CLSPN: variants seen among roughly 807,000 people sequenced by gnomAD.
The protein encoded by CLSPN is claspin homolog.
In CLSPN, 85 loss-of-function variants were observed where a neutral mutation model predicts 156.3. The observed-to-expected ratio is 0.54, with a 90% CI of 0.46 to 0.65. The LOEUF (loss-of-function observed/expected upper bound fraction) is 0.65. Among genes scored for constraint, CLSPN ranks in the 30% least tolerant of loss-of-function variants. The probability of loss-of-function intolerance (pLI) is 0.00; values close to 1 mark genes in which losing one functional copy is unlikely to be tolerated. For missense variants in CLSPN, 1,407 were observed against 1,554.9 expected (o/e 0.90, Z 1.60); for synonymous variants, 534 against 542.4 (o/e 0.98, Z 0.22).
chr1:35,751,404 T>C lies in CLSPN; in HGVS notation c.1874A>G (p.Glu625Gly). 6.2e-7 allele frequency: 1 copy of C among 1,613,960 alleles called. No individual in the cohort carries two copies. Among genetic ancestry groups the C allele is most frequent in the Non-Finnish European group, 8.5e-7 (1 of 1,180,000 alleles). Residue 625 changes from glutamate to glycine, a missense_variant, in exon 10 of 25, where the codon GAA becomes GGA. Glu to Gly is a moderately conservative substitution (Grantham distance 98). Coordinates refer to ENST00000318121, the MANE Select transcript of CLSPN (RefSeq NM_022111.4). ...CTCCTCCTCTTCCTCAAACCCATCT[T>C]CATTATCTAATTTAAACAGTGCTTG... ...KRQALFKLDN[E>G]DGFEEEEEEE... is the part of the protein sequence containing the mutation.
At chr1:35,766,486 C>T (rs1642679965) in intron 1 of CLSPN, among the ~76,000 whole-genome samples, 1 of 151,846 alleles carries the variant, frequency 6.6e-6, no homozygotes, top group Non-Finnish European at 1.5e-5. Context: ...CCGTTGTCGC[C>T]CAGGATGGAG....
intron 1 of CLSPN, among the ~76,000 whole-genome samples, chr1:35,768,869 G>C (rs1386266481): frequency 2.0e-5 from 3 of 152,172 alleles, no homozygotes; most frequent in Admixed American, 2.0e-4. Context: ...GGCAGGGCCA[G>C]TAACAGGGTG....
chr1:35,733,754 G>A lies in CLSPN; in HGVS notation c.*2742C>T. The A allele has an allele frequency of 1.1e-6, 1 of 913,126 alleles. No individual in the cohort carries two copies. The highest frequency in any genetic ancestry group is 1.3e-6 in the Non-Finnish European group (1 of 764,624). 56.6% of individuals were successfully genotyped at this position (913,126 alleles called of 1,614,324 possible). A position where few individuals can be genotyped will look rare whatever the true frequency, so the allele number is the denominator to read the frequency against. ...GCATTTTGGGAGGCCAAGGTGGGAG[G>A]ATTACTTGAGGCCAGGAGTTCAAGA... On this transcript the variant is annotated 3_prime_UTR_variant, in exon 25 of 25. Coordinates refer to ENST00000318121, the MANE Select transcript of CLSPN (RefSeq NM_022111.4).
In CLSPN at chr1:35,735,743, G is replaced by C; in HGVS notation, c.*753C>G. On this transcript the variant is annotated 3_prime_UTR_variant, in exon 25 of 25. Transcript: ENST00000318121. Reference sequence around the variant, plus strand: ...AGAAATCTTTCTTTCACCGAGCCCTGGTCATCATGGTACGTATCTCATGGG... The same window carrying C: ...AGAAATCTTTCTTTCACCGAGCCCTCGTCATCATGGTACGTATCTCATGGG... 2.0e-6 allele frequency: 2 copies of C among 984,418 alleles called. No homozygotes were observed. Among genetic ancestry groups the C allele is most frequent in the Non-Finnish European group, 2.4e-6 (2 of 829,610 alleles). 61.0% of individuals were successfully genotyped at this position (984,418 alleles called of 1,614,324 possible). A position where few individuals can be genotyped will look rare whatever the true frequency, so the allele number is the denominator to read the frequency against.
downstream of CLSPN, among the ~76,000 whole-genome samples, chr1:35,728,345 G>C (rs1165195227): frequency 1.3e-5 from 2 of 152,058 alleles, no homozygotes; most frequent in East Asian, 3.8e-4. Flanking sequence ...ACCTCCCAAA[G>C]TGCTGGGATT....
chr1:35,734,315 T>A lies in CLSPN; in HGVS notation c.*2181A>T. 3.0e-6 allele frequency: 3 copies of A among 984,896 alleles called. No homozygotes were observed. The highest frequency in any genetic ancestry group is 3.6e-6 in the Non-Finnish European group (3 of 829,434). 61.0% of individuals were successfully genotyped at this position (984,896 alleles called of 1,614,324 possible). On this transcript the variant is annotated 3_prime_UTR_variant, in exon 25 of 25. Transcript: ENST00000318121. ...CATATTAAAACATCTTTATACACATTTTCCCCATTATAAGATTACAAGTAT... is the reference window on the plus strand; with the variant it reads ...CATATTAAAACATCTTTATACACATATTCCCCATTATAAGATTACAAGTAT...
intron 24 of CLSPN, among the ~76,000 whole-genome samples, chr1:35,724,682 T>A (rs1251709176): frequency 6.6e-6 from 1 of 152,164 alleles, no homozygotes; most frequent in African/African-American, 2.4e-5. Context: ...TAAAAATTGT[T>A]CAATAACATA....
intron 1 of CLSPN, 75 bp downstream of exon 1, chr1:35,769,772 G>C: frequency 7.0e-7 from 1 of 1,436,572 alleles, no homozygotes; most frequent in Non-Finnish European, 9.3e-7. Flanking sequence ...GGTCAGCGGG[G>C]TCTACCCCGG....
chr1:35,762,389 A>G lies in CLSPN; in HGVS notation c.822+15T>C. 2.5e-6 allele frequency: 4 copies of G among 1,600,766 alleles called. No individual in the cohort carries two copies. Among genetic ancestry groups the G allele is most frequent in the African/African-American group, 1.3e-5 (1 of 74,778 alleles). On this transcript the variant is annotated intron_variant, in intron 5 of 24. Transcript: ENST00000318121. ...AAAGAGATCAGTGTGACTAATATAC[A>G]GGGCTCTACCTCACCTTCCTCGTGG...
chr1:35,753,885 T>C lies in CLSPN; in HGVS notation c.1631A>G (p.Lys544Arg). Reference protein sequence around the residue: ...RFWKHANPAAKPRAGQTVNVN... With the variant: ...RFWKHANPAARPRAGQTVNVN... ...ATTCACTGTCTGACCAGCCCTGGGT[T>C]TGGCTGCTGGATTAGCATGCTTCCA... is the stretch of plus-strand genomic sequence containing the variant. The change falls in exon 9 of 25, where the codon AAA becomes AGA. Residue 544 changes from lysine to arginine, a missense_variant. Physicochemically the swap from Lys to Arg is conservative, Grantham distance 26. Around this residue, in one of 3 missense-constraint regions of CLSPN, gnomAD observed 1,096 missense variants for 1,193.0 expected, o/e 0.92. Transcript: ENST00000318121. 6.2e-7 allele frequency: 1 copy of C among 1,614,202 alleles called. No individual in the cohort carries two copies. Among genetic ancestry groups the C allele is most frequent in the South Asian group, 1.1e-5 (1 of 91,082 alleles).
Position 35,738,237 on chromosome 1 carries a change from G to A in CLSPN, c.3559-140C>T, listed in dbSNP as rs188732404. The A allele has an allele frequency of 4.0e-3, 2,523 of 637,600 alleles. 30 individuals carry two copies. Among genetic ancestry groups the A allele is most frequent in the African/African-American group, 0.032 (1,725 of 53,364 alleles). 39.5% of individuals were successfully genotyped at this position (637,600 alleles called of 1,614,324 possible). On this transcript the variant is annotated intron_variant, in intron 21 of 24. Coordinates refer to ENST00000318121, the MANE Select transcript of CLSPN (RefSeq NM_022111.4). ...ATTTGTTTTCCTTTTTGCAGCCTTT[G>A]CTGCTTTAGACAAAAAAAAATTAAT...
Position 35,762,379 on chromosome 1 carries a change from A to C in CLSPN, c.822+25T>G, listed in dbSNP as rs778620927. On this transcript the variant is annotated intron_variant, in intron 5 of 24. Coordinates refer to ENST00000318121, the MANE Select transcript of CLSPN (RefSeq NM_022111.4). The stretch of plus-strand genomic sequence containing the variant: ...TCTCCTGTGTAAAGAGATCAGTGTG[A>C]CTAATATACAGGGCTCTACCTCACC... 2.4e-5 allele frequency: 37 copies of C among 1,557,324 alleles called. No individual in the cohort carries two copies. The Admixed American group carries it at 5.7e-4, about 24-fold the overall frequency.
Position 35,736,996 on chromosome 1 carries a change from G to C in CLSPN, c.3827C>G (p.Ala1276Gly). 6.2e-7 allele frequency: 1 copy of C among 1,614,100 alleles called. No individual in the cohort carries two copies. The highest frequency in any genetic ancestry group is 8.5e-7 in the Non-Finnish European group (1 of 1,179,964). The part of the protein sequence containing the change: ...LAALSDHNPS[A>G]PRNSRNFVFH... ...GACAAAGTTTCTTGAATTTCGAGGA[G>C]CACTGGGGTTATGGTCAGAGAGAGC... Residue 1276 changes from alanine to glycine, a missense_variant, in exon 24 of 25, where the codon GCT becomes GGT. By Grantham distance (60) the Ala-to-Gly change is moderately conservative. This residue lies in a region of CLSPN where 241 missense variants were observed against 240.5 expected (regional missense o/e 1.00). Transcript: ENST00000318121.
At position 35,760,560 on chromosome 1, in the gene CLSPN, T is replaced by C. The variant is rs114786746; in HGVS notation, c.1361A>G (p.His454Arg). Residue 454 changes from histidine to arginine, a missense_variant, in exon 8 of 25, where the codon CAT becomes CGT. Around this residue, in one of 3 missense-constraint regions of CLSPN, gnomAD observed 1,096 missense variants for 1,193.0 expected, o/e 0.92. Coordinates refer to ENST00000318121, the MANE Select transcript of CLSPN (RefSeq NM_022111.4). ...QVGGLVAFEPHALEGEGPQNP... is the reference protein window; with the variant it reads ...QVGGLVAFEPRALEGEGPQNP... ...TTGGGGGCCTTCACCCTCCAGGGCA[T>C]GAGGTTCAAATGCTACAAGCCCTCC... 305 of 1,614,202 alleles carry C rather than the reference T, an allele frequency of 1.9e-4. 1 individual carries two copies. In the African/African-American group the frequency reaches 3.8e-3, roughly 20 times the overall value.
intron 18 of CLSPN, among the ~76,000 whole-genome samples, chr1:35,741,908 A>T (rs988766726): frequency 2.4e-5 from 3 of 122,696 alleles, no homozygotes; most frequent in African/African-American, 9.2e-5. Flanking sequence ...CGGGAGGCGG[A>T]GGTTGCAGTG....
In CLSPN at chr1:35,760,781, G is replaced by T. The variant is rs772325229; in HGVS notation, c.1140C>A (p.Leu380=). The change falls in exon 8 of 25, where the codon CTC becomes CTA. Residue 380 remains leucine (L), a synonymous_variant. Coordinates refer to ENST00000318121, the MANE Select transcript of CLSPN (RefSeq NM_022111.4). ...GAENEVETNA[L]PVVSKETQII... ...TCTGGGTTTCCTTTGAAACTACAGG[G>T]AGTGCATTAGTTTCCACTTCATTTT... 257 of 1,613,442 alleles carry T rather than the reference G, an allele frequency of 1.6e-4. 1 individual carries two copies. The highest frequency in any genetic ancestry group is 1.3e-3 in the South Asian group (121 of 91,080).
In CLSPN at chr1:35,746,752, G is replaced by A. The variant is rs369898425; in HGVS notation, c.2854+14C>T. 26 of 1,548,422 alleles carry A rather than the reference G, an allele frequency of 1.7e-5. No individual in the cohort carries two copies. The Admixed American group carries it at 2.8e-4, about 17-fold the overall frequency. ...TGGGTGTGGTAAGCTTGATACTCTCGGTTGGATATTTACCCTGAGAAGTGA... is the reference window on the plus strand; with the variant it reads ...TGGGTGTGGTAAGCTTGATACTCTCAGTTGGATATTTACCCTGAGAAGTGA... On this transcript the variant is annotated intron_variant, in intron 15 of 24. Coordinates refer to ENST00000318121, the MANE Select transcript of CLSPN (RefSeq NM_022111.4). The surrounding 1 kb of genome is among the most constrained non-coding windows in gnomAD (Gnocchi z 4.2).
At chr1:35,758,606 T>C (rs1642366850) in intron 8 of CLSPN, among the ~76,000 whole-genome samples, 1 of 151,832 alleles carries the variant, frequency 6.6e-6, no homozygotes, top group South Asian at 2.1e-4. Flanking sequence ...GATCGCAGCA[T>C]TGCACTCCAG....
At chr1:35,768,058 C>T (rs1456281797) in intron 1 of CLSPN, among the ~76,000 whole-genome samples, 3 of 152,122 alleles carry the variant, frequency 2.0e-5, no homozygotes, top group Non-Finnish European at 4.4e-5. Context: ...AAGGCCTCAG[C>T]TGAGTGGTTT....
Sources: gnomAD v4.1 joint callset for allele counts (sites outside exome capture counted in the v4.1 genomes callset) on GRCh38, gnomAD v4.1.1 for gene constraint, gnomAD v4.1.1 regional missense constraint, Gnocchi (gnomAD v3.1) non-coding constraint, MANE v1.5 for transcripts, NCBI Gene and HGNC (gene_info 2026-07-23, HGNC 2026-07-21) for gene names.